Variants in SNTG1 observed in about 807,000 individuals in gnomAD.
The protein encoded by SNTG1 is syntrophin gamma 1.
SNTG1 carries 39 observed loss-of-function variants against 74.7 expected under a neutral mutation model. The observed-to-expected ratio is 0.52, with a 90% CI of 0.40 to 0.68. SNTG1 has a LOEUF of 0.68. Among genes scored for constraint, SNTG1 ranks in the 30% least tolerant of loss-of-function variants. The pLI is 0.00. For missense variants in SNTG1, 685 were observed against 609.5 expected (o/e 1.12, Z -1.30); for synonymous variants, 254 against 217.1 (o/e 1.17, Z -1.49).
At chr8:50,786,784 T>C (rs1008746873) in intron 18 of SNTG1, among the ~76,000 whole-genome samples, 1 of 152,022 alleles carries the variant, frequency 6.6e-6, no homozygotes, top group Non-Finnish European at 1.5e-5. Context: ...AAACCGGTTA[T>C]TGAATCCAAA....
intron 17 of SNTG1, among the ~76,000 whole-genome samples, chr8:50,731,471 T>C (rs1170180135): frequency 5.9e-5 from 9 of 152,110 alleles, no homozygotes; most frequent in Non-Finnish European, 1.0e-4. Context: ...TTGATTTACT[T>C]TCTACCTGAT....
intron 2 of SNTG1, among the ~76,000 whole-genome samples, chr8:50,352,897 A>G (rs912150624): frequency 1.2e-4 from 19 of 152,130 alleles, no homozygotes; most frequent in African/African-American, 4.6e-4. Flanking sequence ...CAGCCATCCC[A>G]TTACTGGGTA....
chr8:50,773,908 G>A (rs556841780), intron 18 of SNTG1, among the ~76,000 whole-genome samples: 86 of 152,132 alleles, frequency 5.7e-4, no homozygotes, highest in African/African-American at 2.0e-3. Context: ...AAGGATAGAA[G>A]TAATGAAAAG....
intron 13 of SNTG1, among the ~76,000 whole-genome samples, chr8:50,641,510 C>T (rs183128139): frequency 2.7e-3 from 408 of 152,302 alleles, no homozygotes; most frequent in African/African-American, 9.4e-3. Flanking sequence ...ATGACCAACA[C>T]TTTCTGTGCT....
At chr8:50,756,493 C>A (rs2095580859) in intron 18 of SNTG1, among the ~76,000 whole-genome samples, 1 of 151,636 alleles carries the variant, frequency 6.6e-6, no homozygotes, top group Admixed American at 6.6e-5. Context: ...CTGTGGATGT[C>A]CATTTTTTCC....
intron 2 of SNTG1, among the ~76,000 whole-genome samples, chr8:50,336,225 C>T (rs1158746178): frequency 6.6e-6 from 1 of 152,096 alleles, no homozygotes; most frequent in Admixed American, 6.5e-5. Flanking sequence ...ATTTGGAGAC[C>T]ATAGAGCATT....
chr8:50,769,049 A>G (rs1179981473), intron 18 of SNTG1, among the ~76,000 whole-genome samples: 2 of 151,612 alleles, frequency 1.3e-5, no homozygotes, highest in African/African-American at 2.4e-5. Context: ...AATTATTTTT[A>G]TTTTTCATTG....
In SNTG1 at chr8:50,438,553, T is replaced by G; in HGVS notation, c.173T>G (p.Val58Gly). 1 of 1,613,118 alleles carries G rather than the reference T, an allele frequency of 6.2e-7. No individual in the cohort carries two copies. The highest frequency in any genetic ancestry group is 1.1e-5 in the South Asian group (1 of 91,050). The change falls in exon 5 of 19, where the codon GTG (valine) becomes GGG (glycine). Residue 58 changes from valine to glycine, a missense_variant. Coordinates refer to ENST00000642720, the MANE Select transcript of SNTG1 (RefSeq NM_018967.5). ...AATCCTGTCTTTCAGGAAAGAACGG[T>G]GACCATCAGAAGACAAACAGTAGGA... ...GEPFYSGERT[V>G]TIRRQTVGGF...
chr8:50,410,683 C>T (rs565417008), intron 4 of SNTG1, among the ~76,000 whole-genome samples: 1 of 152,126 alleles, frequency 6.6e-6, no homozygotes, highest in Non-Finnish European at 1.5e-5. Context: ...CATTCCTCAG[C>T]CCCTGGAAGC....
At chr8:50,453,283 G>A (rs892789126) in intron 8 of SNTG1, among the ~76,000 whole-genome samples, 8 of 151,078 alleles carry the variant, frequency 5.3e-5, no homozygotes, top group Non-Finnish European at 1.0e-4. Context: ...ATGGGATTCT[G>A]TAACCAAATG....
intron 3 of SNTG1, among the ~76,000 whole-genome samples, chr8:50,401,195 AT>A (rs1260774760): frequency 1.3e-5 from 2 of 152,168 alleles, no homozygotes; most frequent in African/African-American, 4.8e-5. Context: ...AGAAAATGTC[AT>A]TTCCAAAGTG....
At chr8:50,475,907 C>T (rs148104178) in intron 8 of SNTG1, among the ~76,000 whole-genome samples, 151 of 152,222 alleles carry the variant, frequency 9.9e-4, no homozygotes, top group African/African-American at 3.0e-3. Context: ...CCATGGTCAA[C>T]GATGGTACAA....
At chr8:50,106,039 T>C (rs1199484760) in intron 1 of SNTG1, among the ~76,000 whole-genome samples, 1 of 152,166 alleles carries the variant, frequency 6.6e-6, no homozygotes, top group Non-Finnish European at 1.5e-5. Context: ...TCTTGCCTGA[T>C]TGCTTTAGCT....
rs1237957806 is a variant in SNTG1 at position 50,340,065 on chromosome 8, C to T, written c.-27-54147C>T. 2.6e-5 allele frequency among the ~76,000 whole-genome samples: 4 copies of T among 151,874 alleles called. No homozygotes were observed. In the East Asian group the frequency reaches 7.7e-4, roughly 29 times the overall value. ...AAATCCACAAAGCTCTGAAGAAAGACATTAAAGAAGATATAAATAAATTGA... is the reference window on the plus strand; with the variant it reads ...AAATCCACAAAGCTCTGAAGAAAGATATTAAAGAAGATATAAATAAATTGA... On this transcript the variant is annotated intron_variant, in intron 2 of 18. Coordinates refer to ENST00000642720, the MANE Select transcript of SNTG1 (RefSeq NM_018967.5).
At position 50,445,144 on chromosome 8, in the gene SNTG1, C is replaced by A. The variant is rs564695336; in HGVS notation, c.220-4524C>A. On this transcript the variant is annotated intron_variant, in intron 5 of 18. Transcript: ENST00000642720. ...GTAATCATATAGCATGTGAGAAAGA[C>A]AATTATTTTTTGCCAAAATCAAACG... 3.3e-5 allele frequency among the ~76,000 whole-genome samples: 5 copies of A among 152,222 alleles called. No individual in the cohort carries two copies. The South Asian group carries it at 1.0e-3, about 32-fold the overall frequency.
At chr8:50,783,112 G>C (rs1039402895) in intron 18 of SNTG1, among the ~76,000 whole-genome samples, 8 of 152,024 alleles carry the variant, frequency 5.3e-5, no homozygotes, top group African/African-American at 9.7e-5. Context: ...AGTCTGGGGG[G>C]TGCCTCCCAG....
chr8:50,046,247 C>T (rs914502541), intron 1 of SNTG1, among the ~76,000 whole-genome samples: 1 of 152,156 alleles, frequency 6.6e-6, no homozygotes, highest in African/African-American at 2.4e-5. Context: ...GGTGCCAGGA[C>T]TGGAGTTTTC....
At chr8:50,607,100 C>T (rs887806506) in intron 13 of SNTG1, among the ~76,000 whole-genome samples, 4 of 151,830 alleles carry the variant, frequency 2.6e-5, no homozygotes, top group African/African-American at 9.7e-5. Flanking sequence ...ATTTACATTG[C>T]CCTTCAAGAT....
chr8:50,750,588 C>T (rs1355975583), intron 17 of SNTG1, among the ~76,000 whole-genome samples: 1 of 151,944 alleles, frequency 6.6e-6, no homozygotes, highest in Non-Finnish European at 1.5e-5. Flanking sequence ...CCACCCCAAC[C>T]ACCAGCAATC....
Sources: gnomAD v4.1 joint callset for allele counts (sites outside exome capture counted in the v4.1 genomes callset) on GRCh38, gnomAD v4.1.1 for gene constraint, MANE v1.5 for transcripts, NCBI Gene and HGNC (gene_info 2026-07-23, HGNC 2026-07-21) for gene names.